Variants in FAM153A observed in about 807,000 individuals in gnomAD.
The protein encoded by FAM153A is family with sequence similarity 153 member A, also known as protein FAM153A.
A neutral mutation model predicts 48.1 loss-of-function variants in FAM153A; 12 were observed. The ratio of observed to expected loss-of-function variants is 0.25; its 90% CI spans 0.16 to 0.40. The LOEUF (loss-of-function observed/expected upper bound fraction) is 0.40, where lower values mean the gene tolerates loss of function less well. Ranked by LOEUF, FAM153A falls within the 10% of genes least tolerant of loss-of-function variation. The probability of loss-of-function intolerance (pLI) is 1.00; values close to 1 mark genes in which losing one functional copy is unlikely to be tolerated. For synonymous variants in FAM153A, 36 were observed against 118.2 expected (o/e 0.30, Z 4.51); for missense variants, 111 against 345.8 (o/e 0.32, Z 5.38).
At chr5:177,704,548 G>A (rs1422120227), downstream of FAM153A, among the ~76,000 whole-genome samples, 1 of 142,282 alleles carries the variant, frequency 7.0e-6, no homozygotes, top group Non-Finnish European at 1.5e-5. Flanking sequence ...CGGGCATGGT[G>A]GGAGGTGATT....
At chr5:177,750,321 G>A (rs534872401) in intron 2 of FAM153A, 1 of 153,980 alleles carries the variant, frequency 6.5e-6, no homozygotes, top group East Asian at 1.9e-4. Flanking sequence ...GACATTGTCA[G>A]TTTGTCAAAA....
At chr5:177,699,365 G>A in the FAM153A span, among the ~76,000 whole-genome samples, 1 of 151,340 alleles carries the variant, frequency 6.6e-6, no homozygotes, top group South Asian at 2.1e-4. Context: ...TGAAATAGAG[G>A]TAGAAAAACA....
At chr5:177,696,064 A>ACGGGG in the FAM153A span, among the ~76,000 whole-genome samples, 1 of 122,048 alleles carries the variant, frequency 8.2e-6, no homozygotes, top group African/African-American at 3.2e-5. Context: ...CACTTCCCAG[A>ACGGGG]TGATGGGCGG....
chr5:177,700,136 A>G, the FAM153A span, among the ~76,000 whole-genome samples: 1 of 152,002 alleles, frequency 6.6e-6, no homozygotes, highest in Non-Finnish European at 1.5e-5. Flanking sequence ...CAGATAAAGC[A>G]TTTGATAAAA....
At chr5:177,712,829 C>A (rs1758708131) in exon 27 of FAM153A, 1 of 150,408 alleles carries the variant, frequency 6.6e-6, no homozygotes, top group Non-Finnish European at 1.5e-5. Flanking sequence ...TAAACAAAGG[C>A]TGAATCAGGA....
At chr5:177,718,619 G>GA (rs1278651620), downstream of FAM153A, 1 of 132,842 alleles carries the variant, frequency 7.5e-6, no homozygotes, top group African/African-American at 2.6e-5. Context: ...ATAAAATTAA[G>GA]AAAAAATAAA....
intron 10 of FAM153A, among the ~76,000 whole-genome samples, chr5:177,738,512 C>G (rs1765047478): frequency 6.6e-6 from 1 of 151,444 alleles, no homozygotes; most frequent in Non-Finnish European, 1.5e-5. Context: ...TGCTAAAACT[C>G]TCTGGCATAA....
chr5:177,700,866 C>T, the FAM153A span, among the ~76,000 whole-genome samples: 1 of 151,752 alleles, frequency 6.6e-6, no homozygotes, highest in Non-Finnish European at 1.5e-5. Context: ...ATTTCTATAC[C>T]CTAGTAATGA....
the FAM153A span, among the ~76,000 whole-genome samples, chr5:177,701,954 C>T: frequency 4.6e-5 from 7 of 150,840 alleles, no homozygotes; most frequent in Admixed American, 6.6e-5. Context: ...GTGGCCCAGG[C>T]GGGAGTGCAG....
the FAM153A span, among the ~76,000 whole-genome samples, chr5:177,696,182 G>C: frequency 8.2e-6 from 1 of 122,650 alleles, no homozygotes; most frequent in Non-Finnish European, 1.7e-5. Context: ...TCACTTCCTA[G>C]ATGGGGCGGC....
intron 18 of FAM153A, among the ~76,000 whole-genome samples, chr5:177,725,658 G>T: frequency 6.6e-6 from 1 of 151,268 alleles, no homozygotes; most frequent in Admixed American, 6.5e-5. Flanking sequence ...GGCCTGACTG[G>T]AGTGTGGGGA....
At chr5:177,756,151 C>A (rs1162094496), upstream of FAM153A, among the ~76,000 whole-genome samples, 81 of 150,310 alleles carry the variant, frequency 5.4e-4, no homozygotes, top group African/African-American at 1.9e-3. Flanking sequence ...ATCTACCAAG[C>A]AAATGGAAAA....
chr5:177,739,177 A>T, intron 9 of FAM153A, 40 bp from the exon 12 acceptor site: 1 of 1,610,502 alleles, frequency 6.2e-7, no homozygotes, highest in East Asian at 2.2e-5. Flanking sequence ...GGGTAAGATC[A>T]TGCTGTCTCT....
At chr5:177,706,026 CTT>C (rs1452500588), downstream of FAM153A, among the ~76,000 whole-genome samples, 6 of 151,772 alleles carry the variant, frequency 4.0e-5, no homozygotes, top group African/African-American at 1.5e-4. Flanking sequence ...GATTGAAAGA[CTT>C]AACGTTAATA....
chr5:177,781,291 A>G (rs866069789), upstream of FAM153A, among the ~76,000 whole-genome samples: 1 of 63,130 alleles, frequency 1.6e-5, no homozygotes, highest in Non-Finnish European at 3.2e-5. Flanking sequence ...TTTTTTTTGT[A>G]TTTTTAGTAC....
At chr5:177,723,323 CAG>C (rs1202277151), downstream of FAM153A, 3 of 110,954 alleles carry the variant, frequency 2.7e-5, 1 homozygote, top group Non-Finnish European at 4.0e-5. Flanking sequence ...AAGTGAAAAA[CAG>C]TGTATATGTA....
chr5:177,700,799 C>G, the FAM153A span, among the ~76,000 whole-genome samples: 1 of 151,808 alleles, frequency 6.6e-6, no homozygotes, highest in African/African-American at 2.4e-5. Context: ...AAGACTCTGT[C>G]TCAAAACAAA....
At chr5:177,701,969 G>A in the FAM153A span, among the ~76,000 whole-genome samples, 9 of 151,252 alleles carry the variant, frequency 6.0e-5, no homozygotes, top group Admixed American at 4.0e-4. Flanking sequence ...GTGCAGTGGC[G>A]CAATCTCGGC....
intron 11 of FAM153A, 97 bp downstream of exon 13, chr5:177,736,945 T>C: frequency 1.8e-6 from 2 of 1,092,394 alleles, no homozygotes; most frequent in Middle Eastern, 3.2e-4. Context: ...CAGTCACCTA[T>C]AGTGTACATG....
Sources: gnomAD v4.1 joint callset for allele counts (sites outside exome capture counted in the v4.1 genomes callset) on GRCh38, gnomAD v4.1.1 for gene constraint, MANE v1.5 for transcripts, NCBI Gene and HGNC (gene_info 2026-07-23, HGNC 2026-07-21) for gene names.